BPIFC: variants seen among roughly 807,000 people sequenced by gnomAD.
The protein encoded by BPIFC is BPI fold containing family C, also known as BPI fold-containing family C protein.
In BPIFC, 60 loss-of-function variants were observed where a neutral mutation model predicts 57.6. The observed-to-expected ratio is 1.04, with a 90% CI of 0.85 to 1.29. The LOEUF is 1.29. BPIFC is among the 50% of genes most tolerant of loss of function. BPIFC has a pLI of 0.00. For synonymous variants in BPIFC, 243 were observed against 224.5 expected (o/e 1.08, Z -0.74); for missense variants, 581 against 600.5 (o/e 0.97, Z 0.34).
At position 32,419,371 on chromosome 22, in the gene BPIFC, G is replaced by A. The variant is rs752111285; in HGVS notation, c.1251C>T (p.Ser417=). 3.5e-5 allele frequency: 56 copies of A among 1,613,654 alleles called. No individual in the cohort carries two copies. Among genetic ancestry groups the A allele is most frequent in the Non-Finnish European group, 4.6e-5 (54 of 1,179,776 alleles). The change falls in exon 14 of 17, where the codon AGC becomes AGT. Residue 417 remains serine, a synonymous_variant. Transcript: ENST00000300399. ...FRLALPESNR[S]NIEVLRFENI... ...GAGCTCAGATTCCTACCTCAATGTT[G>A]CTGCGATTGGACTCTGGCAAAGCAA... is the stretch of plus-strand genomic sequence containing the variant.
At chr22:32,419,231 A>C in intron 14 of BPIFC, 131 bp downstream of exon 14, 1 of 960,352 alleles carries the variant, frequency 1.0e-6, no homozygotes, top group Non-Finnish European at 1.5e-6. Context: ...AAAGAATTTC[A>C]AAGTTAAGTC....
At chr22:32,415,655 G>A (rs536322058) in intron 16 of BPIFC, among the ~76,000 whole-genome samples, 1 of 152,272 alleles carries the variant, frequency 6.6e-6, no homozygotes, top group South Asian at 2.1e-4. Flanking sequence ...GTAAAATAAA[G>A]CGTGCTAAGG....
intron 4 of BPIFC, among the ~76,000 whole-genome samples, chr22:32,450,396 A>G (rs1207859846): frequency 6.6e-6 from 1 of 152,202 alleles, no homozygotes; most frequent in African/African-American, 2.4e-5. Context: ...CACAATAATG[A>G]AATCACTTAA....
rs1313971846 is a variant in BPIFC at position 32,453,421 on chromosome 22, T to C, written c.207A>G (p.Glu69=). The change falls in exon 4 of 17, where the codon GAA becomes GAG. Residue 69 remains glutamate (E), a synonymous_variant. Transcript: ENST00000300399. ...LPDLSGSESL[E]FLKVDYVNYN... is the part of the protein sequence containing the mutation. ...AGTTTACATAATCAACTTTTAGAAA[T>C]TCAAGAGACTCAGAACCGCTTAAAT... 1 of 1,596,942 alleles carries C rather than the reference T, an allele frequency of 6.3e-7. No individual in the cohort carries two copies. Among genetic ancestry groups the C allele is most frequent in the Non-Finnish European group, 8.5e-7 (1 of 1,175,756 alleles).
At chr22:32,421,609 C>A (rs2145913336) in intron 13 of BPIFC, among the ~76,000 whole-genome samples, 1 of 152,186 alleles carries the variant, frequency 6.6e-6, no homozygotes, top group Admixed American at 6.5e-5. Flanking sequence ...TCTTGTATTC[C>A]TAGGATTGAG....
Position 32,434,420 on chromosome 22 carries a change from ATT to A in BPIFC, c.925-650_925-649del, listed in dbSNP as rs1036125528. Among the ~76,000 whole-genome samples the A allele has an allele frequency of 8.9e-4, 133 of 149,182 alleles. 2 individuals are homozygous for A. Among genetic ancestry groups the A allele is most frequent in the African/African-American group, 2.8e-3 (116 of 40,968 alleles). ...CTATGTGTACATATTCTTTATATAT[ATT>A]ACAATCTATGTATACATATTATTTA... On this transcript the variant is annotated intron_variant, in intron 10 of 16. Coordinates refer to ENST00000300399, the MANE Select transcript of BPIFC (RefSeq NM_174932.3).
At chr22:32,423,577 G>GGTGTGTGTGTGTGT (rs369571670) in intron 13 of BPIFC, among the ~76,000 whole-genome samples, 2,618 of 143,208 alleles carry the variant, frequency 0.018, 83 homozygotes, top group African/African-American at 0.061. Context: ...GTAGGGTGTG[G>GGTGTGTGTGTGTGT]GTGTGTGTGT....
chr22:32,446,814 C>T (rs1934743440), intron 5 of BPIFC: 2 of 985,234 alleles, frequency 2.0e-6, no homozygotes, highest in Non-Finnish European at 2.4e-6. Context: ...CATTCTTCAA[C>T]CTCTGTGTGA....
At chr22:32,439,861 C>T (rs771822686) in intron 8 of BPIFC, among the ~76,000 whole-genome samples, 5 of 152,134 alleles carry the variant, frequency 3.3e-5, no homozygotes, top group Non-Finnish European at 5.9e-5. Context: ...GCGAGTTGCT[C>T]GCCTCAGCTT....
rs539288559 is a variant in BPIFC, at chr22:32,428,817, T to G, written c.1217+2530A>C. ...GGCGGGCTGAGGCAGGAGAATCACTTGAACCCGGGAGGCGGAGGTTGTAGT... is the reference window on the plus strand; with the variant it reads ...GGCGGGCTGAGGCAGGAGAATCACTGGAACCCGGGAGGCGGAGGTTGTAGT... On this transcript the variant is annotated intron_variant, in intron 13 of 16. Transcript: ENST00000300399. Among the ~76,000 whole-genome samples, 829 of 152,152 alleles carry G rather than the reference T, an allele frequency of 5.4e-3. 3 individuals are homozygous for G. Among genetic ancestry groups the G allele is most frequent in the Non-Finnish European group, 9.1e-3 (616 of 67,996 alleles).
chr22:32,428,764 T>C (rs1934144621), intron 13 of BPIFC, among the ~76,000 whole-genome samples: 1 of 151,990 alleles, frequency 6.6e-6, no homozygotes, highest in Non-Finnish European at 1.5e-5. Flanking sequence ...CCAGGTGTGG[T>C]GGCAGGCGCC....
rs1555879034 is a variant in BPIFC, at chr22:32,443,162, C to CAT, written c.595-432_595-431insAT. 3.8e-4 allele frequency among the ~76,000 whole-genome samples: 51 copies of CAT among 133,852 alleles called. 2 individuals are homozygous for CAT. The highest frequency in any genetic ancestry group is 1.0e-3 in the East Asian group (5 of 4,764). The allele number at this position is 133,852 out of a possible 152,430, so 87.8% of individuals were successfully genotyped here. On this transcript the variant is annotated intron_variant, in intron 7 of 16. Coordinates refer to ENST00000300399, the MANE Select transcript of BPIFC (RefSeq NM_174932.3). ...CTACCTGGAATGGTTAGAGCTGGAGCTTTTTTTTTTTTTTTTTTTGAGACG... is the reference window on the plus strand; with the variant it reads ...CTACCTGGAATGGTTAGAGCTGGAGCATTTTTTTTTTTTTTTTTTTTGAGACG...
intron 12 of BPIFC, 36 bp from the exon 13 acceptor site, chr22:32,431,450 T>G (rs1934240940): frequency 6.9e-7 from 1 of 1,459,000 alleles, no homozygotes; most frequent in African/African-American, 1.3e-5. Flanking sequence ...TTAAGACGAG[T>G]GAGTGTCAAT....
intron 7 of BPIFC, among the ~76,000 whole-genome samples, chr22:32,444,643 A>G (rs1191700798): frequency 6.6e-6 from 1 of 152,202 alleles, no homozygotes; most frequent in African/African-American, 2.4e-5. Context: ...GAAGCCTTAT[A>G]GCTTTGGAAA....
chr22:32,417,930 G>A (rs1233053246), intron 14 of BPIFC, among the ~76,000 whole-genome samples: 1 of 151,966 alleles, frequency 6.6e-6, no homozygotes, highest in Non-Finnish European at 1.5e-5. Context: ...AGTGCAGTGG[G>A]TATGTCTTTA....
At position 32,424,677 on chromosome 22, in the gene BPIFC, CTTCT is replaced by C. The variant is rs1933979651; in HGVS notation, c.1218-5277_1218-5274del. Among the ~76,000 whole-genome samples the C allele has an allele frequency of 1.2e-3, 109 of 94,230 alleles. 1 individual carries two copies. The highest frequency in any genetic ancestry group is 1.6e-3 in the Non-Finnish European group (80 of 51,166). 61.8% of individuals were successfully genotyped at this position (94,230 alleles called of 152,430 possible). Reference sequence around the variant, plus strand: ...TCTTCTTCTTCTTCTTCTTCTTCTTCTTCTTCTTCTTCTTCCTCTTCTTCTTCCT... The same window carrying C: ...TCTTCTTCTTCTTCTTCTTCTTCTTCTCTTCTTCTTCCTCTTCTTCTTCCT... On this transcript the variant is annotated intron_variant, in intron 13 of 16. Transcript: ENST00000300399.
intron 1 of BPIFC, among the ~76,000 whole-genome samples, chr22:32,463,391 T>C (rs1432347386): frequency 6.6e-6 from 1 of 152,192 alleles, no homozygotes; most frequent in Non-Finnish European, 1.5e-5. Flanking sequence ...TTTCCAAGAT[T>C]CAAAATCTCA....
At chr22:32,430,449 T>A (rs1191377891) in intron 13 of BPIFC, among the ~76,000 whole-genome samples, 1 of 150,392 alleles carries the variant, frequency 6.6e-6, no homozygotes, top group Non-Finnish European at 1.5e-5. Context: ...TATTACAGAA[T>A]TATATATATA....
At chr22:32,441,038 A>T (rs1327218865) in intron 8 of BPIFC, among the ~76,000 whole-genome samples, 1 of 152,130 alleles carries the variant, frequency 6.6e-6, no homozygotes, top group East Asian at 1.9e-4. Context: ...ACATCCCTGA[A>T]GATCAAACCA....
Sources: allele counts gnomAD v4.1 joint callset (sites outside exome capture counted in the v4.1 genomes callset), GRCh38; gene constraint gnomAD v4.1.1; transcripts MANE v1.5; gene names NCBI Gene and HGNC (gene_info 2026-07-23, HGNC 2026-07-21).